The following CNTNAP5 variants were observed in gnomAD, a reference collection of about 807,000 sequenced individuals.
CNTNAP5 encodes contactin associated protein family member 5, also known as contactin-associated protein-like 5.
In CNTNAP5, 72 loss-of-function variants were observed where a neutral mutation model predicts 150.2. The ratio of observed to expected loss-of-function variants is 0.48; its 90% confidence interval spans 0.40 to 0.58. The LOEUF (loss-of-function observed/expected upper bound fraction) is 0.58, where lower values mean the gene tolerates loss of function less well. CNTNAP5 is among the 20% of genes least tolerant of loss of function. The pLI is 0.00. For synonymous variants in CNTNAP5, 672 were observed against 619.8 expected (o/e 1.08, Z -1.25); for missense variants, 1,636 against 1,626.2 (o/e 1.01, Z -0.10).
intron 1 of CNTNAP5, among the ~76,000 whole-genome samples, chr2:124,145,832 G>GAA (rs1164454367): frequency 2.9e-5 from 1 of 34,220 alleles, no homozygotes. Context: ...AAAAAAAGAA[G>GAA]AAAAAAAAAA....
At chr2:124,903,733 CTG>C (rs1395948652) in intron 22 of CNTNAP5, among the ~76,000 whole-genome samples, 1 of 152,046 alleles carries the variant, frequency 6.6e-6, no homozygotes, top group East Asian at 1.9e-4. Context: ...GTATGAATAA[CTG>C]TAATCATCAT....
At chr2:124,552,567 A>G (rs1273554894) in intron 10 of CNTNAP5, among the ~76,000 whole-genome samples, 2 of 152,256 alleles carry the variant, frequency 1.3e-5, no homozygotes, top group African/African-American at 4.8e-5. Flanking sequence ...AGCTGCATGA[A>G]TGTCCCTTTA....
chr2:124,180,897 C>G (rs901581422), intron 1 of CNTNAP5, among the ~76,000 whole-genome samples: 2 of 151,816 alleles, frequency 1.3e-5, no homozygotes, highest in Non-Finnish European at 2.9e-5. Context: ...TTTCATGCCT[C>G]CCTCTCCCTA....
intron 17 of CNTNAP5, among the ~76,000 whole-genome samples, chr2:124,780,435 C>T (rs1681426758): frequency 6.6e-6 from 1 of 152,166 alleles, no homozygotes; most frequent in South Asian, 2.1e-4. Flanking sequence ...GAAATGTCTC[C>T]ACACACTAGT....
At position 124,914,151 on chromosome 2, in the gene CNTNAP5, C is replaced by T. The variant is rs778462588; in HGVS notation, c.3787C>T (p.Leu1263Phe). Reference protein sequence around the residue: ...FCIIGIMTRFLYQHKQSHRTS... With the variant: ...FCIIGIMTRFFYQHKQSHRTS... ...TATCATCGGCATCATGACCCGGTTC[C>T]TCTACCAGCACAAGCAGTCACATCG... The change falls in exon 24 of 24, where the codon CTC (leucine) becomes TTC (phenylalanine). Residue 1263 changes from leucine (L) to phenylalanine (F), a missense_variant. Physicochemically the swap from Leu to Phe is conservative, Grantham distance 22. Transcript: ENST00000682447. The T allele has an allele frequency of 6.2e-7, 1 of 1,612,652 alleles. No individual in the cohort carries two copies. Among genetic ancestry groups the T allele is most frequent in the Non-Finnish European group, 8.5e-7 (1 of 1,179,096 alleles).
intron 1 of CNTNAP5, among the ~76,000 whole-genome samples, chr2:124,067,433 G>A (rs2104660059): frequency 6.6e-6 from 1 of 152,152 alleles, no homozygotes; most frequent in East Asian, 1.9e-4. Flanking sequence ...TGCCTCTATG[G>A]CTACATTGCC....
chr2:124,153,248 G>A (rs1684446855), intron 1 of CNTNAP5, among the ~76,000 whole-genome samples: 1 of 152,124 alleles, frequency 6.6e-6, no homozygotes, highest in African/African-American at 2.4e-5. Context: ...ATGAAGTGGG[G>A]CACACACAGT....
intron 1 of CNTNAP5, among the ~76,000 whole-genome samples, chr2:124,196,186 A>C (rs12711674): frequency 0.31 from 46,970 of 151,974 alleles, 7,389 homozygotes; most frequent in South Asian, 0.48. Flanking sequence ...CTGATGAAGA[A>C]GAAATGGAGC....
At chr2:124,856,073 ATGGTGTG>A (rs1352364242) in intron 19 of CNTNAP5, among the ~76,000 whole-genome samples, 1 of 134,792 alleles carries the variant, frequency 7.4e-6, no homozygotes, top group Non-Finnish European at 1.6e-5. Flanking sequence ...GTAATAGTCC[ATGGTGTG>A]TGTGTGTGTG....
Position 124,523,974 on chromosome 2 carries a change from T to C in CNTNAP5, c.1328-329T>C, listed in dbSNP as rs904905209. Reference sequence around the variant, plus strand: ...TTCGTTTATTTTTGTTTTTTTTTTTTCCTCTGCGTTTATACAACAATAGAT... The same window carrying C: ...TTCGTTTATTTTTGTTTTTTTTTTTCCCTCTGCGTTTATACAACAATAGAT... On this transcript the variant is annotated intron_variant, in intron 8 of 23. Transcript: ENST00000682447. 2.9e-4 allele frequency among the ~76,000 whole-genome samples: 43 copies of C among 150,538 alleles called. No homozygotes were observed. The East Asian group carries it at 6.1e-3, about 21-fold the overall frequency.
intron 13 of CNTNAP5, among the ~76,000 whole-genome samples, chr2:124,691,618 T>G (rs1573550744): frequency 1.3e-5 from 2 of 152,124 alleles, no homozygotes; most frequent in East Asian, 3.9e-4. Context: ...GCTTCTGTGT[T>G]TGTAACCCTG....
At chr2:124,162,848 G>A (rs1684718370) in intron 1 of CNTNAP5, among the ~76,000 whole-genome samples, 1 of 151,790 alleles carries the variant, frequency 6.6e-6, no homozygotes, top group Non-Finnish European at 1.5e-5. Flanking sequence ...TGTTTTTTAT[G>A]CATGCCACCA....
chr2:124,838,621 A>C (rs1423245038), intron 19 of CNTNAP5, among the ~76,000 whole-genome samples: 1 of 152,186 alleles, frequency 6.6e-6, no homozygotes, highest in Non-Finnish European at 1.5e-5. Flanking sequence ...CGAATCAAAT[A>C]GGGTCACAGT....
intron 13 of CNTNAP5, among the ~76,000 whole-genome samples, chr2:124,649,720 C>A (rs192378500): frequency 6.6e-6 from 1 of 152,074 alleles, no homozygotes; most frequent in Non-Finnish European, 1.5e-5. Context: ...TCTATAGTTT[C>A]GATTTCACCA....
chr2:124,028,006 T>C (rs1358810671), intron 1 of CNTNAP5, among the ~76,000 whole-genome samples: 1 of 152,162 alleles, frequency 6.6e-6, no homozygotes, highest in African/African-American at 2.4e-5. Flanking sequence ...TGGGTTTATT[T>C]TTATCTATAA....
chr2:124,851,688 G>A (rs1238956752), intron 19 of CNTNAP5, among the ~76,000 whole-genome samples: 1 of 152,174 alleles, frequency 6.6e-6, no homozygotes, highest in Non-Finnish European at 1.5e-5. Context: ...TTAGCTGAGA[G>A]TGAGGAAGGA....
intron 16 of CNTNAP5, among the ~76,000 whole-genome samples, chr2:124,765,551 AT>A (rs1681050504): frequency 6.6e-6 from 1 of 152,178 alleles, no homozygotes; most frequent in African/African-American, 2.4e-5. Context: ...TCAGAATATA[AT>A]ATTTATTAAG....
At chr2:124,475,620 C>T (rs1411470324) in intron 7 of CNTNAP5, among the ~76,000 whole-genome samples, 2 of 151,978 alleles carry the variant, frequency 1.3e-5, no homozygotes, top group Non-Finnish European at 1.5e-5. Context: ...CTGGTGGATT[C>T]ACTCTTTTAT....
At chr2:124,110,411 A>AT (rs1683268525) in intron 1 of CNTNAP5, among the ~76,000 whole-genome samples, 1 of 152,230 alleles carries the variant, frequency 6.6e-6, no homozygotes, top group South Asian at 2.1e-4. Flanking sequence ...AGTTAAAACA[A>AT]TAAAAAAAGG....
Sources: gnomAD v4.1 joint callset for allele counts (sites outside exome capture counted in the v4.1 genomes callset) on GRCh38, gnomAD v4.1.1 for gene constraint, MANE v1.5 for transcripts, NCBI Gene and HGNC (gene_info 2026-07-23, HGNC 2026-07-21) for gene names.